ZBBX: variants seen among roughly 807,000 people sequenced by gnomAD.
ZBBX encodes the protein zinc finger B-box domain containing, also known as zinc finger B-box domain-containing protein 1.
ZBBX carries 101 observed loss-of-function variants against 108.5 expected under a neutral mutation model. The ratio of observed to expected loss-of-function variants is 0.93; its 90% CI spans 0.79 to 1.10. The LOEUF is 1.10. Among genes scored for constraint, ZBBX ranks in the 50% least tolerant of loss-of-function variants. The pLI, the probability that ZBBX is intolerant of heterozygous loss-of-function variation, is 0.00. For synonymous variants in ZBBX, 356 were observed against 323.4 expected (o/e 1.10, Z -1.08); for missense variants, 1,009 against 941.4 (o/e 1.07, Z -0.94).
At chr3:167,209,261 A>C in the ZBBX span, among the ~76,000 whole-genome samples, 2 of 152,096 alleles carry the variant, frequency 1.3e-5, no homozygotes, top group Non-Finnish European at 2.9e-5. Flanking sequence ...GCCAGGCATT[A>C]GTTCTCATGG....
chr3:167,261,034 G>A (rs938239921), intron 20 of ZBBX, among the ~76,000 whole-genome samples: 10 of 152,186 alleles, frequency 6.6e-5, no homozygotes, highest in African/African-American at 2.4e-4. Flanking sequence ...CCTTGATGTA[G>A]TACTCTCCCC....
the ZBBX span, among the ~76,000 whole-genome samples, chr3:167,208,755 G>A: frequency 6.6e-6 from 1 of 152,182 alleles, no homozygotes; most frequent in African/African-American, 2.4e-5. Context: ...TAGCTGTGAA[G>A]AGAGTCTCCT....
Position 167,282,301 on chromosome 3 carries a change from T to G in ZBBX, c.2191A>C (p.Thr731Pro), listed in dbSNP as rs372156722. The G allele has an allele frequency of 6.2e-6, 10 of 1,613,860 alleles. No individual in the cohort carries two copies. In the African/African-American group the frequency reaches 1.2e-4, roughly 19 times the overall value. ...TTGTCTAAAGTATGTTGATCAGTAG[T>G]GTCATCTAAGGAAAGCTCATTCTGG... ...TDQNELSLDD[T>P]TDQHTLDNLE... The change falls in exon 20 of 22, where the codon ACT (threonine) becomes CCT (proline). Residue 731 changes from threonine to proline, a missense_variant. Coordinates refer to ENST00000675490, the MANE Select transcript of ZBBX (RefSeq NM_001199201.2).
intron 20 of ZBBX, among the ~76,000 whole-genome samples, chr3:167,258,765 G>A (rs1258302640): frequency 6.6e-6 from 1 of 152,156 alleles, no homozygotes; most frequent in Non-Finnish European, 1.5e-5. Context: ...TGTATGTGGT[G>A]CATCACATTT....
At chr3:167,280,002 A>T (rs1448910589) in intron 20 of ZBBX, among the ~76,000 whole-genome samples, 2 of 151,992 alleles carry the variant, frequency 1.3e-5, no homozygotes, top group African/African-American at 4.8e-5. Flanking sequence ...TGGGGAAAGG[A>T]TTCCCTATTT....
chr3:167,240,616 T>C lies in ZBBX; in HGVS notation c.*177A>G, dbSNP rs1720507025. The C allele has an allele frequency of 3.5e-6, 2 of 575,694 alleles. No individual in the cohort carries two copies. Among genetic ancestry groups the C allele is most frequent in the Non-Finnish European group, 5.8e-6 (2 of 342,656 alleles). The allele number at this position is 575,694 out of a possible 1,614,324, so 35.7% of individuals were successfully genotyped here. The stretch of plus-strand genomic sequence containing the variant: ...TTAGTGGTTGACATATAATATATCA[T>C]TGGAAGAATAAGCCCTTGAACTTAT... On this transcript the variant is annotated 3_prime_UTR_variant, in exon 22 of 22. Coordinates refer to ENST00000675490, the MANE Select transcript of ZBBX (RefSeq NM_001199201.2).
the ZBBX span, among the ~76,000 whole-genome samples, chr3:167,197,500 C>G: frequency 2.6e-5 from 4 of 151,828 alleles, no homozygotes; most frequent in African/African-American, 9.7e-5. Flanking sequence ...ATTGCACCAC[C>G]ACATTCCAGT....
the ZBBX span, among the ~76,000 whole-genome samples, chr3:167,211,551 C>A: frequency 6.6e-6 from 1 of 152,142 alleles, no homozygotes; most frequent in Admixed American, 6.5e-5. Flanking sequence ...CTAGCAGTAG[C>A]GGCATTGCAC....
chr3:167,244,827 C>A (rs1721274377), intron 20 of ZBBX, among the ~76,000 whole-genome samples: 1 of 152,080 alleles, frequency 6.6e-6, no homozygotes, highest in African/African-American at 2.4e-5. Flanking sequence ...AGAGTACCTT[C>A]TCTGATCATT....
At chr3:167,225,256 T>G in the ZBBX span, among the ~76,000 whole-genome samples, 1 of 151,904 alleles carries the variant, frequency 6.6e-6, no homozygotes, top group South Asian at 2.1e-4. Flanking sequence ...GTTATTTTCC[T>G]CTGCACTGCT....
At chr3:167,206,795 C>T in the ZBBX span, among the ~76,000 whole-genome samples, 1 of 151,940 alleles carries the variant, frequency 6.6e-6, no homozygotes, top group African/African-American at 2.4e-5. Flanking sequence ...AACACATAGA[C>T]AAATGGAACA....
At chr3:167,210,267 G>C in the ZBBX span, among the ~76,000 whole-genome samples, 2 of 151,960 alleles carry the variant, frequency 1.3e-5, no homozygotes, top group Non-Finnish European at 2.9e-5. Context: ...ACATGCTAAA[G>C]AATGCATCAG....
chr3:167,315,256 A>G (rs1455663495), intron 15 of ZBBX, among the ~76,000 whole-genome samples: 1 of 152,218 alleles, frequency 6.6e-6, no homozygotes, highest in African/African-American at 2.4e-5. Flanking sequence ...ACGCAATTAC[A>G]AAGTGAACCA....
At chr3:167,225,431 T>C in the ZBBX span, among the ~76,000 whole-genome samples, 1 of 151,894 alleles carries the variant, frequency 6.6e-6, no homozygotes, top group South Asian at 2.1e-4. Flanking sequence ...GAGAATAAGA[T>C]GGCTCCAACA....
chr3:167,216,663 CA>C, the ZBBX span, among the ~76,000 whole-genome samples: 1 of 151,958 alleles, frequency 6.6e-6, no homozygotes, highest in Non-Finnish European at 1.5e-5. Flanking sequence ...CCTGAATAGC[CA>C]GGGCAATCCT....
In ZBBX at chr3:167,313,543, A is replaced by C. The variant is rs576053214; in HGVS notation, c.1417+431T>G. Among the ~76,000 whole-genome samples the C allele has an allele frequency of 3.9e-5, 6 of 152,176 alleles. No individual in the cohort carries two copies. In the South Asian group the frequency reaches 1.2e-3, roughly 32 times the overall value. On this transcript the variant is annotated intron_variant, in intron 16 of 21. Coordinates refer to ENST00000675490, the MANE Select transcript of ZBBX (RefSeq NM_001199201.2). ...GGTGATCCACCCACCTCGCCTCCCA[A>C]AATGCTGGGATTACAAGCTTGAGCC...
At chr3:167,369,913 T>TAG in intron 4 of ZBBX, among the ~76,000 whole-genome samples, 1 of 152,286 alleles carries the variant, frequency 6.6e-6, no homozygotes, top group African/African-American at 2.4e-5. Context: ...GTCAAGGAAC[T>TAG]AGAAGTTCTC....
intron 19 of ZBBX, among the ~76,000 whole-genome samples, chr3:167,283,883 C>T (rs915939990): frequency 1.1e-4 from 16 of 152,070 alleles, no homozygotes; most frequent in Admixed American, 9.8e-4. Context: ...CTTCATGATC[C>T]GCCTGCCTCA....
chr3:167,178,492 C>T, the ZBBX span, among the ~76,000 whole-genome samples: 33 of 152,208 alleles, frequency 2.2e-4, no homozygotes, highest in Admixed American at 1.6e-3. Flanking sequence ...CTGTGTTCGA[C>T]GGGTGTTGCT....
Sources: allele counts gnomAD v4.1 joint callset (sites outside exome capture counted in the v4.1 genomes callset), GRCh38; gene constraint gnomAD v4.1.1; transcripts MANE v1.5; gene names NCBI Gene and HGNC (gene_info 2026-07-23, HGNC 2026-07-21).